Variants in SNRPN observed in about 807,000 individuals in gnomAD.
The protein encoded by SNRPN is small nuclear ribonucleoprotein polypeptide N, also known as small nuclear ribonucleoprotein-associated protein N.
In SNRPN, 7 loss-of-function variants were observed where a neutral mutation model predicts 25.2. The ratio of observed to expected loss-of-function variants is 0.28; its 90% CI spans 0.16 to 0.52. The LOEUF (loss-of-function observed/expected upper bound fraction) is 0.52, where lower values mean the gene tolerates loss of function less well. SNRPN is among the 20% of genes least tolerant of loss of function. The pLI is 0.96. For missense variants in SNRPN, 196 were observed against 322.5 expected (o/e 0.61, Z 3.00); for synonymous variants, 124 against 110.6 (o/e 1.12, Z -0.76).
At position 24,955,003 on chromosome 15, in the gene SNRPN, G is replaced by A. The variant is rs370477576; in HGVS notation, c.-450G>A. The A allele has an allele frequency of 1.4e-5, 23 of 1,611,084 alleles. No homozygotes were observed. Among genetic ancestry groups the A allele is most frequent in the Non-Finnish European group, 1.8e-5 (21 of 1,179,574 alleles). On this transcript the variant is annotated 5_prime_UTR_variant, in exon 1 of 10. Coordinates refer to ENST00000390687, the MANE Select transcript of SNRPN (RefSeq NM_003097.6). Reference sequence around the variant, plus strand: ...GAGTCTGGCGCAGAGTGGAGCGGCCGCCGGAGATGCCTGACGCATCTGTCT... The same window carrying A: ...GAGTCTGGCGCAGAGTGGAGCGGCCACCGGAGATGCCTGACGCATCTGTCT...
At chr15:24,827,048 A>G (rs1197814544) in intron 1 of SNRPN, among the ~76,000 whole-genome samples, 1 of 152,108 alleles carries the variant, frequency 6.6e-6, no homozygotes, top group East Asian at 1.9e-4. Flanking sequence ...ATATATATAC[A>G]TATACTATAG....
chr15:24,874,421 T>C (rs1229375156), intron 1 of SNRPN, among the ~76,000 whole-genome samples: 2 of 151,548 alleles, frequency 1.3e-5, no homozygotes, highest in Non-Finnish European at 2.9e-5. Context: ...CTGATGAGCT[T>C]TGGTTCTCAG....
At position 24,976,955 on chromosome 15, in the gene SNRPN, G is replaced by C. The variant is rs2077128381; in HGVS notation, c.346G>C (p.Ala116Pro). 6.2e-7 allele frequency: 1 copy of C among 1,606,802 alleles called. No individual in the cohort carries two copies. Among genetic ancestry groups the C allele is most frequent in the Non-Finnish European group, 8.5e-7 (1 of 1,177,700 alleles). Reference sequence around the variant, plus strand: ...TAGGGCAGCTGGTAGAGGAGTACCAGCTGGTGTGCCAATTCCCCAGGCCCC... The same window carrying C: ...TAGGGCAGCTGGTAGAGGAGTACCACCTGGTGTGCCAATTCCCCAGGCCCC... ...VGRAAGRGVP[A>P]GVPIPQAPAG... Residue 116 changes from alanine to proline, a missense_variant, in exon 7 of 10, where the codon GCT becomes CCT. Physicochemically the swap from Ala to Pro is conservative, Grantham distance 27 (BLOSUM62 -1). Coordinates refer to ENST00000390687, the MANE Select transcript of SNRPN (RefSeq NM_003097.6).
intron 2 of SNRPN, among the ~76,000 whole-genome samples, chr15:24,917,538 C>G (rs528703261): frequency 1.3e-5 from 2 of 152,306 alleles, no homozygotes; most frequent in South Asian, 4.1e-4. Context: ...AGCTTTCCTC[C>G]TACCTGCCAC....
intron 2 of SNRPN, among the ~76,000 whole-genome samples, chr15:24,842,417 T>C (rs2051787210): frequency 6.6e-6 from 1 of 152,156 alleles, no homozygotes; most frequent in East Asian, 1.9e-4. Flanking sequence ...GGAGAAAGTC[T>C]TCCTTCAAAA....
intron 2 of SNRPN, among the ~76,000 whole-genome samples, chr15:24,891,275 T>C (rs1174625508): frequency 1.3e-5 from 2 of 152,152 alleles, no homozygotes; most frequent in African/African-American, 4.8e-5. Context: ...CCAAAGACTA[T>C]ACAAGATTAT....
intron 3 of SNRPN, among the ~76,000 whole-genome samples, chr15:24,928,325 G>A (rs920796860): frequency 2.0e-5 from 3 of 151,946 alleles, no homozygotes; most frequent in East Asian, 1.9e-4. Context: ...GGAATCCACC[G>A]AAGTGTTCAT....
At chr15:24,969,806 G>A (rs1202467617) in intron 3 of SNRPN, among the ~76,000 whole-genome samples, 2 of 152,124 alleles carry the variant, frequency 1.3e-5, no homozygotes, top group Non-Finnish European at 2.9e-5. Context: ...AGAAGGGTTG[G>A]TAATATATCT....
intron 1 of SNRPN, among the ~76,000 whole-genome samples, chr15:24,877,848 G>GA (rs1031051623): frequency 9.9e-5 from 15 of 151,962 alleles, no homozygotes; most frequent in Non-Finnish European, 1.5e-4. Flanking sequence ...GTCTAAAAAA[G>GA]AAAAAAAATG....
chr15:24,889,198 G>A (rs905811599), intron 2 of SNRPN, among the ~76,000 whole-genome samples: 4 of 151,998 alleles, frequency 2.6e-5, no homozygotes, highest in Admixed American at 1.3e-4. Flanking sequence ...GATTACAGGC[G>A]TGAGCCACCG....
chr15:24,919,288 G>A (rs527725499), intron 2 of SNRPN, among the ~76,000 whole-genome samples: 85 of 151,814 alleles, frequency 5.6e-4, no homozygotes, highest in African/African-American at 1.8e-3. Context: ...AAAATTAGCC[G>A]GGCGTCGTGG....
intron 2 of SNRPN, among the ~76,000 whole-genome samples, chr15:24,894,848 C>G (rs1438447883): frequency 6.6e-6 from 1 of 152,148 alleles, no homozygotes; most frequent in African/African-American, 2.4e-5. Context: ...GTCCCTTTCT[C>G]GTTGCCAGAA....
At chr15:24,941,481 G>A (rs1596047689) in intron 3 of SNRPN, among the ~76,000 whole-genome samples, 1 of 152,126 alleles carries the variant, frequency 6.6e-6, no homozygotes, top group Admixed American at 6.6e-5. Flanking sequence ...TATCTGGTGG[G>A]GTGACCCAAA....
At chr15:24,879,510 G>T (rs1438710551) in intron 1 of SNRPN, among the ~76,000 whole-genome samples, 1 of 152,068 alleles carries the variant, frequency 6.6e-6, no homozygotes, top group Non-Finnish European at 1.5e-5. Context: ...TGTTTTCTAT[G>T]AAATGAAACA....
intron 2 of SNRPN, among the ~76,000 whole-genome samples, chr15:24,891,137 C>T (rs2057632325): frequency 6.6e-6 from 1 of 152,132 alleles, no homozygotes. Context: ...CCTGAAACTC[C>T]TGGCCTCAAG....
At chr15:24,837,658 C>G (rs964793060) in intron 2 of SNRPN, among the ~76,000 whole-genome samples, 2 of 150,772 alleles carry the variant, frequency 1.3e-5, no homozygotes, top group Non-Finnish European at 3.0e-5. Flanking sequence ...CGTGAGCCAC[C>G]ATGCCCGGCT....
intron 3 of SNRPN, among the ~76,000 whole-genome samples, chr15:24,947,265 C>A (rs1198494828): frequency 6.6e-6 from 1 of 152,162 alleles, no homozygotes; most frequent in Admixed American, 6.6e-5. Flanking sequence ...AAGTACTCCT[C>A]ATGGAAGGGA....
Position 24,975,240 on chromosome 15 carries a change from T to C in SNRPN, c.4-118T>C. The C allele has an allele frequency of 6.7e-6, 5 of 748,222 alleles. No individual in the cohort carries two copies. In the East Asian group the frequency reaches 1.2e-4, roughly 18 times the overall value. The allele number at this position is 748,222 out of a possible 1,614,324, so 46.3% of individuals were successfully genotyped here. A position where few individuals can be genotyped will look rare whatever the true frequency, so the allele number is the denominator to read the frequency against. On this transcript the variant is annotated intron_variant, in intron 4 of 9. Coordinates refer to ENST00000390687, the MANE Select transcript of SNRPN (RefSeq NM_003097.6). ...AGAATGTTGGTGAAAAAGGAGAGAATATTTGTTTAGTTAAGGAAACCAGGC... is the reference window on the plus strand; with the variant it reads ...AGAATGTTGGTGAAAAAGGAGAGAACATTTGTTTAGTTAAGGAAACCAGGC...
intron 3 of SNRPN, among the ~76,000 whole-genome samples, chr15:24,933,835 G>T (rs2061046085): frequency 6.6e-6 from 1 of 152,156 alleles, no homozygotes; most frequent in African/African-American, 2.4e-5. Flanking sequence ...ATACGGGGAA[G>T]TCCACAGGCT....
Sources: gnomAD v4.1 joint callset for allele counts (sites outside exome capture counted in the v4.1 genomes callset) on GRCh38, gnomAD v4.1.1 for gene constraint, MANE v1.5 for transcripts, NCBI Gene and HGNC (gene_info 2026-07-23, HGNC 2026-07-21) for gene names.